Variants in SCHIP1 observed in about 807,000 individuals in gnomAD.
SCHIP1 encodes schwannomin interacting protein 1, also known as schwannomin-interacting protein 1.
Under a neutral mutation model 29.7 loss-of-function variants are expected in SCHIP1, and 8 were observed. The observed-to-expected ratio is 0.27, with a 90% CI of 0.16 to 0.49. The LOEUF is 0.49. SCHIP1 is among the 20% of genes least tolerant of loss of function. SCHIP1 has a pLI of 0.99. For synonymous variants in SCHIP1, 76 were observed against 94.9 expected (o/e 0.80, Z 1.16); for missense variants, 193 against 294.6 (o/e 0.66, Z 2.52).
the SCHIP1 span, among the ~76,000 whole-genome samples, chr3:159,625,744 C>T: frequency 6.6e-6 from 1 of 152,024 alleles, no homozygotes. Flanking sequence ...TTCTCCTTAA[C>T]TCCCAACTTA....
chr3:159,511,666 T>A, the SCHIP1 span, among the ~76,000 whole-genome samples: 1 of 152,160 alleles, frequency 6.6e-6, no homozygotes, highest in African/African-American at 2.4e-5. Flanking sequence ...GATAGACAGA[T>A]CAACTGAACA....
chr3:159,586,145 T>G, the SCHIP1 span, among the ~76,000 whole-genome samples: 6 of 151,100 alleles, frequency 4.0e-5, no homozygotes, highest in South Asian at 1.2e-3. Flanking sequence ...AAAAAAAATG[T>G]GTAAGGGATC....
At chr3:159,839,434 G>A (rs1300254121), upstream of SCHIP1, among the ~76,000 whole-genome samples, 1 of 151,862 alleles carries the variant, frequency 6.6e-6, no homozygotes, top group East Asian at 1.9e-4. Context: ...AAAGAAGCTA[G>A]GAGCCAAAAA....
chr3:159,574,611 A>G, the SCHIP1 span, among the ~76,000 whole-genome samples: 2 of 152,210 alleles, frequency 1.3e-5, no homozygotes, highest in Non-Finnish European at 2.9e-5. Context: ...TCAGAGCTCA[A>G]ATGCTGTGCT....
At chr3:159,393,113 T>C in the SCHIP1 span, among the ~76,000 whole-genome samples, 1 of 152,246 alleles carries the variant, frequency 6.6e-6, no homozygotes, top group Non-Finnish European at 1.5e-5. Context: ...AATGTCTTCT[T>C]TTGAGAAGTA....
chr3:159,784,236 T>C, the SCHIP1 span, among the ~76,000 whole-genome samples: 4 of 152,398 alleles, frequency 2.6e-5, no homozygotes, highest in East Asian at 5.8e-4. Flanking sequence ...AAATGTTTTC[T>C]GCCACATGTC....
At chr3:159,640,911 CAAT>C in the SCHIP1 span, among the ~76,000 whole-genome samples, 1 of 152,138 alleles carries the variant, frequency 6.6e-6, no homozygotes, top group Non-Finnish European at 1.5e-5. Flanking sequence ...ATTAGAAAGA[CAAT>C]GATTAAATTT....
chr3:159,732,529 T>C, the SCHIP1 span, among the ~76,000 whole-genome samples: 1 of 152,180 alleles, frequency 6.6e-6, no homozygotes, highest in East Asian at 1.9e-4. Context: ...GATGGTGCTG[T>C]TTGGAGAAGT....
chr3:159,841,848 G>C (rs1744253611), intron 1 of SCHIP1, among the ~76,000 whole-genome samples: 1 of 152,148 alleles, frequency 6.6e-6, no homozygotes, highest in African/African-American at 2.4e-5. Flanking sequence ...TGTATTGGTT[G>C]GGTAATAATG....
the SCHIP1 span, among the ~76,000 whole-genome samples, chr3:159,550,525 G>T: frequency 0.17 from 25,382 of 151,982 alleles, 2,414 homozygotes; most frequent in South Asian, 0.34. Flanking sequence ...TTGTCGAGTA[G>T]CCCAGCTTTC....
chr3:159,497,737 A>G, the SCHIP1 span, among the ~76,000 whole-genome samples: 2 of 151,946 alleles, frequency 1.3e-5, no homozygotes, highest in Non-Finnish European at 2.9e-5. Flanking sequence ...AAACACTATG[A>G]TTGATTATGT....
chr3:159,446,583 A>T, the SCHIP1 span, among the ~76,000 whole-genome samples: 1 of 152,174 alleles, frequency 6.6e-6, no homozygotes, highest in African/African-American at 2.4e-5. Context: ...GCAATACAAT[A>T]TTGTTGTAAT....
the SCHIP1 span, among the ~76,000 whole-genome samples, chr3:159,363,650 C>T: frequency 2.0e-5 from 3 of 152,188 alleles, no homozygotes; most frequent in East Asian, 5.8e-4. Context: ...CAATCACTCT[C>T]CAAACAACTA....
chr3:159,320,621 CCT>C, the SCHIP1 span, among the ~76,000 whole-genome samples: 3 of 151,378 alleles, frequency 2.0e-5, no homozygotes, highest in South Asian at 2.1e-4. Flanking sequence ...TTTTTTTCCC[CCT>C]GTTACAGTAA....
chr3:159,872,997 G>A (rs1294037453), intron 2 of SCHIP1, among the ~76,000 whole-genome samples: 1 of 152,162 alleles, frequency 6.6e-6, no homozygotes, highest in East Asian at 1.9e-4. Context: ...GCACATAATA[G>A]TATTTGAAAA....
the SCHIP1 span, among the ~76,000 whole-genome samples, chr3:159,581,082 A>G: frequency 6.6e-6 from 1 of 152,212 alleles, no homozygotes; most frequent in African/African-American, 2.4e-5. Flanking sequence ...CAGTGTTGAT[A>G]GTACTTTCTT....
the SCHIP1 span, among the ~76,000 whole-genome samples, chr3:159,734,343 A>G: frequency 6.6e-6 from 1 of 150,970 alleles, no homozygotes; most frequent in Non-Finnish European, 1.5e-5. Flanking sequence ...GGGTTTTACC[A>G]TGTGGTCAGG....
At chr3:159,436,151 G>A in the SCHIP1 span, among the ~76,000 whole-genome samples, 1 of 152,026 alleles carries the variant, frequency 6.6e-6, no homozygotes, top group African/African-American at 2.4e-5. Flanking sequence ...AATCAGCATT[G>A]GTATCCAAAT....
the SCHIP1 span, among the ~76,000 whole-genome samples, chr3:159,514,215 G>A: frequency 6.6e-6 from 1 of 152,104 alleles, no homozygotes; most frequent in African/African-American, 2.4e-5. Context: ...ATGTGCGTCG[G>A]AAAGGCCTGT....
Sources: gnomAD v4.1 joint callset for allele counts (sites outside exome capture counted in the v4.1 genomes callset) on GRCh38, gnomAD v4.1.1 for gene constraint, MANE v1.5 for transcripts, NCBI Gene and HGNC (gene_info 2026-07-23, HGNC 2026-07-21) for gene names.